ELOC: variants seen among roughly 807,000 people sequenced by gnomAD.
The protein encoded by ELOC is elongin C, also known as elongin-C.
For missense variants in ELOC, 38 were observed against 139.0 expected (o/e 0.27, Z 3.65); for synonymous variants, 40 against 51.3 (o/e 0.78, Z 0.94).
intron 2 of ELOC, among the ~76,000 whole-genome samples, chr8:73,956,572 G>GAAT: frequency 6.6e-6 from 1 of 152,036 alleles, no homozygotes; most frequent in African/African-American, 2.4e-5. Flanking sequence ...ATTTAAGAAT[G>GAAT]CTACTTCAGT....
chr8:73,949,346 G>A (rs933902715), intron 3 of ELOC, among the ~76,000 whole-genome samples: 4 of 152,024 alleles, frequency 2.6e-5, no homozygotes, highest in African/African-American at 9.7e-5. Flanking sequence ...ATTGCCTATA[G>A]GCACTTATTA....
chr8:73,967,468 C>CT (rs201615321), intron 1 of ELOC, among the ~76,000 whole-genome samples: 37,063 of 135,782 alleles, frequency 0.27, 5,251 homozygotes, highest in Admixed American at 0.36. Context: ...ATTTTCTTTT[C>CT]TTTTTTTTTT....
chr8:73,945,699 T>C lies in ELOC; in HGVS notation c.*931A>G, dbSNP rs1389519439. 1 of 152,200 alleles carries C rather than the reference T, an allele frequency of 6.6e-6. No homozygotes were observed. Among genetic ancestry groups the C allele is most frequent in the Non-Finnish European group, 1.5e-5 (1 of 68,040 alleles). 9.4% of individuals were successfully genotyped at this position (152,200 alleles called of 1,614,324 possible). A position where few individuals can be genotyped will look rare whatever the true frequency, so the allele number is the denominator to read the frequency against. ...TTCATGTAGGATATCTTCAATGCAT[T>C]ATAATATGATTTTCACTGTATCTCT... On this transcript the variant is annotated 3_prime_UTR_variant, in exon 4 of 4. Coordinates refer to ENST00000520242, the MANE Select transcript of ELOC (RefSeq NM_005648.4).
chr8:73,956,483 T>C (rs1286805602), intron 2 of ELOC, among the ~76,000 whole-genome samples: 1 of 152,234 alleles, frequency 6.6e-6, no homozygotes, highest in Admixed American at 6.5e-5. Flanking sequence ...ATTATAATAG[T>C]CACCAAGACA....
chr8:73,964,111 A>AT (rs1814800593), intron 1 of ELOC, among the ~76,000 whole-genome samples: 2 of 150,790 alleles, frequency 1.3e-5, no homozygotes, highest in African/African-American at 4.9e-5. Context: ...AAAAAAAAAA[A>AT]AAGTATTACA....
intron 3 of ELOC, among the ~76,000 whole-genome samples, chr8:73,952,198 T>C (rs749031796): frequency 4.6e-5 from 7 of 151,850 alleles, no homozygotes; most frequent in Non-Finnish European, 1.0e-4. Context: ...GAGGCTAGGA[T>C]TTCGAGACCA....
intron 1 of ELOC, among the ~76,000 whole-genome samples, chr8:73,962,458 T>C (rs1814669043): frequency 6.6e-6 from 1 of 152,070 alleles, no homozygotes; most frequent in Admixed American, 6.6e-5. Flanking sequence ...AATAGTTCTC[T>C]AAAATTTAAA....
At chr8:73,947,151 G>T (rs1025797404) in intron 3 of ELOC, among the ~76,000 whole-genome samples, 1 of 152,006 alleles carries the variant, frequency 6.6e-6, no homozygotes, top group African/African-American at 2.4e-5. Flanking sequence ...ACCACGACCG[G>T]CTAATTTTTG....
At chr8:73,960,351 C>G (rs1056411270) in intron 1 of ELOC, among the ~76,000 whole-genome samples, 20 of 152,118 alleles carry the variant, frequency 1.3e-4, no homozygotes, top group Non-Finnish European at 5.9e-5. Context: ...GCCTCTAAAT[C>G]CTTGGAATTT....
At chr8:73,967,719 T>C (rs139453341) in intron 1 of ELOC, among the ~76,000 whole-genome samples, 2,407 of 152,276 alleles carry the variant, frequency 0.016, 58 homozygotes, top group African/African-American at 0.053. Context: ...CCGCTCACCT[T>C]GGCCTCCCAA....
Position 73,956,018 on chromosome 8 carries a change from G to A in ELOC, c.41C>T (p.Pro14Leu), listed in dbSNP as rs1814153394. ...TATCAATTTGACATACATGGCATCA[G>A]GTCCTTCACAGCCACCATAGGTTTT... Reference protein sequence around the residue: ...EEKTYGGCEGPDAMYVKLISS... With the variant: ...EEKTYGGCEGLDAMYVKLISS... The change falls in exon 3 of 4, where the codon CCT becomes CTT. Residue 14 changes from proline to leucine, a missense_variant. By Grantham distance (98) the Pro-to-Leu change is moderately conservative (BLOSUM62 -3). Coordinates refer to ENST00000520242, the MANE Select transcript of ELOC (RefSeq NM_005648.4). 1 of 1,613,604 alleles carries A rather than the reference G, an allele frequency of 6.2e-7. No individual in the cohort carries two copies. The highest frequency in any genetic ancestry group is 8.5e-7 in the Non-Finnish European group (1 of 1,179,798).
At chr8:73,957,904 G>A (rs764261323) in intron 2 of ELOC, among the ~76,000 whole-genome samples, 57 of 151,330 alleles carry the variant, frequency 3.8e-4, no homozygotes, top group Non-Finnish European at 7.1e-4. Flanking sequence ...TCAGCCTCCC[G>A]AGCAGCTGGG....
intron 3 of ELOC, among the ~76,000 whole-genome samples, chr8:73,949,234 A>T (rs1192209699): frequency 6.6e-6 from 1 of 152,226 alleles, no homozygotes; most frequent in Non-Finnish European, 1.5e-5. Context: ...TGTAGCAGGG[A>T]GAAAGGAGTA....
rs1213804508 is a variant in ELOC at position 73,945,922 on chromosome 8, A to G, written c.*708T>C. ...GACGCTTTATAGTCAATGCAAATAC[A>G]GTACTTTGAATTACCCAAAATGTAT... On this transcript the variant is annotated 3_prime_UTR_variant, in exon 4 of 4. Transcript: ENST00000520242. 1 of 152,252 alleles carries G rather than the reference A, an allele frequency of 6.6e-6. No homozygotes were observed. Among genetic ancestry groups the G allele is most frequent in the Non-Finnish European group, 1.5e-5 (1 of 68,046 alleles). 9.4% of individuals were successfully genotyped at this position (152,252 alleles called of 1,614,324 possible).
intron 1 of ELOC, among the ~76,000 whole-genome samples, chr8:73,966,743 C>T (rs1000873833): frequency 5.3e-5 from 8 of 151,472 alleles, no homozygotes; most frequent in East Asian, 3.9e-4. Flanking sequence ...CAAAGTGCTG[C>T]GATTATAGGT....
rs13248745 is a variant in ELOC, at chr8:73,958,933, T to C, written c.4+832A>G. Among the ~76,000 whole-genome samples the C allele has an allele frequency of 6.2e-3, 939 of 152,310 alleles. 5 individuals are homozygous for C. The highest frequency in any genetic ancestry group is 8.4e-3 in the Non-Finnish European group (569 of 68,018). On this transcript the variant is annotated intron_variant, in intron 2 of 3. Transcript: ENST00000520242. ...AGAGTGTATTTACACCTAGGCTATA[T>C]GGTGTAACCTACTGCTCCTAGGCTA...
intron 1 of ELOC, chr8:73,969,792 A>G (rs1268736719): frequency 6.6e-6 from 1 of 152,000 alleles, no homozygotes; most frequent in African/African-American, 2.4e-5. Context: ...TTCTTTCCTC[A>G]AGTTTCTTGA....
chr8:73,962,715 A>C (rs1336243278), intron 1 of ELOC, among the ~76,000 whole-genome samples: 1 of 152,226 alleles, frequency 6.6e-6, no homozygotes, highest in African/African-American at 2.4e-5. Flanking sequence ...ATGCAAAGTC[A>C]CATCTTAGGA....
chr8:73,955,837 C>T, intron 3 of ELOC, 74 bp downstream of exon 3: 1 of 1,417,234 alleles, frequency 7.1e-7, no homozygotes, highest in Non-Finnish European at 9.7e-7. Context: ...AATGCTGAAT[C>T]ATTAATTCAA....
Sources: allele counts gnomAD v4.1 joint callset (sites outside exome capture counted in the v4.1 genomes callset), GRCh38; gene constraint gnomAD v4.1.1; transcripts MANE v1.5; gene names NCBI Gene and HGNC (gene_info 2026-07-23, HGNC 2026-07-21).